ROS1: variants seen among roughly 807,000 people sequenced by gnomAD.
ROS1 encodes ROS proto-oncogene 1, receptor tyrosine kinase.
A neutral mutation model predicts 273.5 loss-of-function variants in ROS1; 263 were observed. The observed-to-expected ratio is 0.96, with a 90% CI of 0.87 to 1.06. ROS1 has a LOEUF of 1.06. Ranked by LOEUF, ROS1 falls within the 50% of genes least tolerant of loss-of-function variation. ROS1 has a pLI of 0.00. For synonymous variants in ROS1, 1,008 were observed against 954.1 expected, an observed-to-expected ratio of 1.06 and a Z score of -1.04; for missense variants, 2,833 against 2,751.1, an observed-to-expected ratio of 1.03 and a Z score of -0.67.
intron 17 of ROS1, 99 bp from the exon 18 acceptor site, chr6:117,379,258 C>G: frequency 1.5e-6 from 1 of 673,960 alleles, no homozygotes; most frequent in Non-Finnish European, 2.6e-6. Flanking sequence ...CTTTAACATC[C>G]TCTTTGGAAT....
At chr6:117,308,062 T>C (rs549169266) in intron 42 of ROS1, among the ~76,000 whole-genome samples, 1 of 152,252 alleles carries the variant, frequency 6.6e-6, no homozygotes, top group Admixed American at 6.5e-5. Flanking sequence ...TTCATACTTA[T>C]TTGCTCTTTT....
At chr6:117,402,999 T>C in intron 7 of ROS1, 140 bp downstream of exon 7, 1 of 850,448 alleles carries the variant, frequency 1.2e-6, no homozygotes, top group Non-Finnish European at 1.9e-6. Flanking sequence ...GAATACTACC[T>C]GGCACATAGT....
Position 117,389,510 on chromosome 6 carries a change from G to T in ROS1, c.1626C>A (p.Asp542Glu). The change falls in exon 13 of 44, where the codon GAC becomes GAA. Residue 542 changes from aspartate to glutamate, a missense_variant. Asp to Glu is a conservative substitution (Grantham distance 45). Coordinates refer to ENST00000368507, the MANE Select transcript of ROS1 (RefSeq NM_001378902.1). ...ACCCAAATTCTTCTATGTGACTCAG[G>T]TCACATCCCACGATGAATTCATTAA... ...LSFNEFIVGC[D>E]LSHIEEFGFG... is the part of the protein sequence containing the mutation. 1 of 1,614,170 alleles carries T rather than the reference G, an allele frequency of 6.2e-7. No individual in the cohort carries two copies. The highest frequency in any genetic ancestry group is 2.2e-5 in the East Asian group (1 of 44,886).
intron 27 of ROS1, among the ~76,000 whole-genome samples, chr6:117,351,024 T>C (rs1325044788): frequency 6.6e-6 from 1 of 152,240 alleles, no homozygotes; most frequent in Non-Finnish European, 1.5e-5. Context: ...ATCTGTGTTT[T>C]ATGCCTTTTA....
chr6:117,330,014 T>G (rs1180148275), intron 32 of ROS1, among the ~76,000 whole-genome samples: 6 of 152,070 alleles, frequency 3.9e-5, no homozygotes, highest in Admixed American at 3.3e-4. Flanking sequence ...TTTGAGCTCC[T>G]TGAGGGAGGG....
rs1777935210 is a variant in ROS1 at position 117,341,601 on chromosome 6, A to T, written c.4683T>A (p.Thr1561=). ...TAATGAGGCTGGTGTCTGACCGCACAGTTGTATTAATGAGCTGCACTGCCT... is the reference window on the plus strand; with the variant it reads ...TAATGAGGCTGGTGTCTGACCGCACTGTTGTATTAATGAGCTGCACTGCCT... ...VPEAVQLINT[T]VRSDTSLIIS... Residue 1561 remains threonine, a synonymous_variant, in exon 30 of 44, where the codon ACT becomes ACA. Transcript: ENST00000368507. 6.2e-7 allele frequency: 1 copy of T among 1,613,630 alleles called. No homozygotes were observed. Among genetic ancestry groups the T allele is most frequent in the Non-Finnish European group, 8.5e-7 (1 of 1,179,636 alleles).
In ROS1 at chr6:117,288,389, G is replaced by A. The variant is rs745813633; in HGVS notation, c.*103C>T. On this transcript the variant is annotated 3_prime_UTR_variant, in exon 44 of 44. Coordinates refer to ENST00000368507, the MANE Select transcript of ROS1 (RefSeq NM_001378902.1). ...TCAGGAACGTTGCATTGTTTATTTG[G>A]AGTTATAGACCACCATGACATTTAT... 95 of 1,054,972 alleles carry A rather than the reference G, an allele frequency of 9.0e-5. No individual in the cohort carries two copies. The highest frequency in any genetic ancestry group is 2.1e-4 in the Middle Eastern group (1 of 4,716). 65.4% of individuals were successfully genotyped at this position (1,054,972 alleles called of 1,614,324 possible). A position where few individuals can be genotyped will look rare whatever the true frequency, so the allele number is the denominator to read the frequency against.
intron 24 of ROS1, among the ~76,000 whole-genome samples, chr6:117,358,501 C>A (rs1392625429): frequency 6.6e-6 from 1 of 151,830 alleles, no homozygotes; most frequent in Non-Finnish European, 1.5e-5. Flanking sequence ...TGGCGGTAAC[C>A]CAGGCTGGAG....
chr6:117,369,360 T>C (rs1436315479), intron 18 of ROS1, among the ~76,000 whole-genome samples: 2 of 152,194 alleles, frequency 1.3e-5, no homozygotes, highest in Non-Finnish European at 2.9e-5. Context: ...AGCTAGACTC[T>C]TAAAGAAACC....
At chr6:117,415,338 A>T (rs1256089873) in intron 3 of ROS1, among the ~76,000 whole-genome samples, 1 of 152,232 alleles carries the variant, frequency 6.6e-6, no homozygotes, top group Non-Finnish European at 1.5e-5. Flanking sequence ...AATATACTCT[A>T]AAAACTATGT....
At position 117,366,214 on chromosome 6, in the gene ROS1, T is replaced by G. The variant is rs1240882470; in HGVS notation, c.2659A>C (p.Ser887Arg). 1 of 1,614,092 alleles carries G rather than the reference T, an allele frequency of 6.2e-7. No individual in the cohort carries two copies. Residue 887 changes from serine (S) to arginine (R), a missense_variant, in exon 19 of 44, where the codon AGT becomes CGT. Ser to Arg is a moderately radical substitution (Grantham distance 110, BLOSUM62 -1). Transcript: ENST00000368507. ...EISQNALMYY[S>R]GRLFWINGFR... is the part of the protein sequence containing the mutation. ...CCATTGATCCAGAACAGCCGACCAC[T>G]ATAGTACATCAGTGCATTCTGGGAA...
chr6:117,398,874 G>T (rs1459687438), intron 7 of ROS1, among the ~76,000 whole-genome samples: 2 of 151,770 alleles, frequency 1.3e-5, no homozygotes, highest in African/African-American at 2.4e-5. Flanking sequence ...TCAGGAGGCT[G>T]AGGCAGGAGA....
intron 14 of ROS1, 144 bp downstream of exon 14, chr6:117,387,636 A>C (rs1289980558): frequency 8.3e-6 from 6 of 720,032 alleles, no homozygotes; most frequent in African/African-American, 7.1e-5. Flanking sequence ...TATGTACTCA[A>C]TATGTGTTTA....
intron 32 of ROS1, among the ~76,000 whole-genome samples, chr6:117,329,771 A>G (rs1384491710): frequency 6.6e-6 from 1 of 151,938 alleles, no homozygotes; most frequent in Non-Finnish European, 1.5e-5. Flanking sequence ...CCCTCCAGCC[A>G]AGGGGAGCGG....
At chr6:117,300,253 G>A (rs2128535388) in intron 43 of ROS1, among the ~76,000 whole-genome samples, 1 of 151,496 alleles carries the variant, frequency 6.6e-6, no homozygotes, top group East Asian at 2.0e-4. Context: ...ACCCGGCACA[G>A]AATATTATTA....
At chr6:117,343,994 G>T (rs1778160818) in intron 28 of ROS1, 66 bp downstream of exon 28, 4 of 1,355,486 alleles carry the variant, frequency 3.0e-6, no homozygotes, top group Admixed American at 3.5e-5. Context: ...CTTTACTATG[G>T]CTCATAATTT....
intron 7 of ROS1, among the ~76,000 whole-genome samples, chr6:117,398,289 A>C (rs978551738): frequency 6.8e-5 from 10 of 147,090 alleles, no homozygotes; most frequent in Middle Eastern, 3.2e-3. Context: ...AAAAACAACA[A>C]CACAAAAATC....
intron 17 of ROS1, among the ~76,000 whole-genome samples, chr6:117,380,760 C>T (rs1473286684): frequency 6.6e-5 from 10 of 152,036 alleles, no homozygotes; most frequent in African/African-American, 1.9e-4. Flanking sequence ...ATATAAACCT[C>T]TCTGATCTAA....
At chr6:117,390,507 T>A (rs1351388811) in intron 12 of ROS1, among the ~76,000 whole-genome samples, 1 of 152,184 alleles carries the variant, frequency 6.6e-6, no homozygotes, top group Non-Finnish European at 1.5e-5. Flanking sequence ...CTATCAAACA[T>A]TTTCCTCCAA....
Sources: allele counts gnomAD v4.1 joint callset (sites outside exome capture counted in the v4.1 genomes callset), GRCh38; gene constraint gnomAD v4.1.1; transcripts MANE v1.5; gene names NCBI Gene and HGNC (gene_info 2026-07-23, HGNC 2026-07-21).